TUSC3: variants seen among roughly 807,000 people sequenced by gnomAD.
The protein encoded by TUSC3 is tumor suppressor candidate 3, also known as dolichyl-diphosphooligosaccharide--protein glycosyltransferase subunit TUSC3.
TUSC3 carries 45 observed loss-of-function variants against 44.8 expected under a neutral mutation model. The ratio of observed to expected loss-of-function variants is 1.00; its 90% confidence interval spans 0.79 to 1.29. The LOEUF (loss-of-function observed/expected upper bound fraction) is 1.29. Among genes scored for constraint, TUSC3 ranks in the 50% most tolerant of loss-of-function variants. The probability of loss-of-function intolerance (pLI) is 0.00; values close to 1 mark genes in which losing one functional copy is unlikely to be tolerated. For missense variants in TUSC3, 519 were observed against 437.9 expected (o/e 1.19, Z -1.65); for synonymous variants, 212 against 152.9 (o/e 1.39, Z -2.85).
intron 1 of TUSC3, among the ~76,000 whole-genome samples, chr8:15,595,305 C>T (rs559796202): frequency 4.6e-5 from 7 of 152,142 alleles, no homozygotes; most frequent in African/African-American, 1.7e-4. Flanking sequence ...TTCCAGGCTT[C>T]TCTTTGTGTA....
At chr8:15,558,899 C>G (rs1342439065) in intron 1 of TUSC3, among the ~76,000 whole-genome samples, 1 of 151,334 alleles carries the variant, frequency 6.6e-6, no homozygotes, top group Non-Finnish European at 1.5e-5. Context: ...TTCTCTTTTT[C>G]TTTATTAGTC....
intron 6 of TUSC3, among the ~76,000 whole-genome samples, chr8:15,694,423 G>A (rs572611986): frequency 2.1e-4 from 25 of 121,726 alleles, no homozygotes; most frequent in East Asian, 4.8e-4. Context: ...GCAACAAGAC[G>A]GAAACTCCAT....
chr8:15,474,610 G>A (rs1800550010), intron 1 of TUSC3, among the ~76,000 whole-genome samples: 1 of 152,170 alleles, frequency 6.6e-6, no homozygotes, highest in Non-Finnish European at 1.5e-5. Context: ...TTACATTATT[G>A]AGAAAATTCA....
chr8:15,421,727 G>A (rs1015961693), intron 1 of TUSC3, among the ~76,000 whole-genome samples: 3 of 152,114 alleles, frequency 2.0e-5, no homozygotes, highest in South Asian at 2.1e-4. Flanking sequence ...GAATGAAATA[G>A]AGCTGAAAGA....
At chr8:15,839,799 C>A in the TUSC3 span, among the ~76,000 whole-genome samples, 1 of 152,132 alleles carries the variant, frequency 6.6e-6, no homozygotes, top group Non-Finnish European at 1.5e-5. Flanking sequence ...CTAGTTCAAC[C>A]ATTGTGGAAG....
At chr8:15,697,100 G>C (rs1212086128) in intron 6 of TUSC3, among the ~76,000 whole-genome samples, 1 of 152,072 alleles carries the variant, frequency 6.6e-6, no homozygotes, top group African/African-American at 2.4e-5. Context: ...ATGATCTTTT[G>C]TATTTCAGTG....
chr8:15,849,578 CA>C, the TUSC3 span, among the ~76,000 whole-genome samples: 1 of 152,122 alleles, frequency 6.6e-6, no homozygotes, highest in Admixed American at 6.6e-5. Flanking sequence ...ATCTCCCCTG[CA>C]ACAAAGTGTG....
intron 5 of TUSC3, among the ~76,000 whole-genome samples, chr8:15,664,566 G>GCTCC (rs1308618271): frequency 5.4e-5 from 8 of 149,414 alleles, no homozygotes; most frequent in Middle Eastern, 3.2e-3. Flanking sequence ...AGGTATGCCT[G>GCTCC]CTCCCCAATC....
the TUSC3 span, among the ~76,000 whole-genome samples, chr8:15,841,572 G>A: frequency 3.3e-5 from 5 of 151,862 alleles, no homozygotes; most frequent in Non-Finnish European, 7.4e-5. Context: ...AGCGTGCAGT[G>A]GCAGGATCTC....
chr8:15,843,948 C>G, the TUSC3 span, among the ~76,000 whole-genome samples: 4,568 of 152,136 alleles, frequency 0.03, 234 homozygotes, highest in African/African-American at 0.1. Context: ...GAAACTCAGT[C>G]TCTTTGGTTT....
chr8:15,705,799 A>G (rs1809592363), intron 6 of TUSC3, among the ~76,000 whole-genome samples: 1 of 152,046 alleles, frequency 6.6e-6, no homozygotes, highest in Non-Finnish European at 1.5e-5. Context: ...TGTAGGTATT[A>G]CAGAAATAGC....
In TUSC3 at chr8:15,660,637, T is replaced by A. The variant is rs945702278; in HGVS notation, c.567+990T>A. Among the ~76,000 whole-genome samples the A allele has an allele frequency of 2.6e-5, 4 of 151,942 alleles. No homozygotes were observed. In the East Asian group the frequency reaches 7.7e-4, roughly 29 times the overall value. ...ATTTGTTCTGAGTCAAGGTGGTAATTGCCCACATGGTACCACTGTCATTGT... is the reference window on the plus strand; with the variant it reads ...ATTTGTTCTGAGTCAAGGTGGTAATAGCCCACATGGTACCACTGTCATTGT... On this transcript the variant is annotated intron_variant, in intron 4 of 10. Coordinates refer to ENST00000503731, the MANE Select transcript of TUSC3 (RefSeq NM_006765.4).
chr8:15,726,050 G>C lies in TUSC3; in HGVS notation c.799-4616G>C, dbSNP rs188184106. 3.9e-5 allele frequency among the ~76,000 whole-genome samples: 6 copies of C among 152,140 alleles called. No individual in the cohort carries two copies. The East Asian group carries it at 1.2e-3, about 29-fold the overall frequency. On this transcript the variant is annotated intron_variant, in intron 6 of 10. Coordinates refer to ENST00000503731, the MANE Select transcript of TUSC3 (RefSeq NM_006765.4). ...TCCACCATAGCCATTCTTATTTTCG[G>C]AACATTACGTGTTTAAAAGGACTCC...
At chr8:15,646,013 A>G (rs1806610831) in intron 2 of TUSC3, among the ~76,000 whole-genome samples, 2 of 152,106 alleles carry the variant, frequency 1.3e-5, no homozygotes, top group African/African-American at 4.8e-5. Context: ...CCTTTATTAA[A>G]TGCCACTTCT....
intron 1 of TUSC3, among the ~76,000 whole-genome samples, chr8:15,602,169 A>G (rs1436180413): frequency 4.0e-5 from 6 of 151,602 alleles, no homozygotes; most frequent in African/African-American, 9.7e-5. Flanking sequence ...GTCTGAAAAA[A>G]GTCTGAAGTC....
chr8:15,739,310 AT>A (rs2129212316), intron 7 of TUSC3, among the ~76,000 whole-genome samples: 1 of 151,914 alleles, frequency 6.6e-6, no homozygotes, highest in African/African-American at 2.4e-5. Context: ...GTTTTGCCTT[AT>A]TTATTTGGGA....
intron 2 of TUSC3, among the ~76,000 whole-genome samples, chr8:15,508,078 T>C (rs1222624929): frequency 6.6e-6 from 1 of 151,954 alleles, no homozygotes; most frequent in African/African-American, 2.4e-5. Flanking sequence ...CCGTCTCTAC[T>C]AAAAATACAA....
intron 2 of TUSC3, among the ~76,000 whole-genome samples, chr8:15,490,395 C>A (rs1335424682): frequency 1.3e-5 from 2 of 152,164 alleles, no homozygotes; most frequent in South Asian, 2.1e-4. Flanking sequence ...AACACCCTAA[C>A]TTTCTCCTCT....
At chr8:15,491,637 C>T (rs28454531) in intron 2 of TUSC3, among the ~76,000 whole-genome samples, 1 of 152,080 alleles carries the variant, frequency 6.6e-6, no homozygotes, top group African/African-American at 2.4e-5. Context: ...ATTCTCTAAC[C>T]CTTCTGTGCA....
Sources: allele counts gnomAD v4.1 joint callset (sites outside exome capture counted in the v4.1 genomes callset), GRCh38; gene constraint gnomAD v4.1.1; transcripts MANE v1.5; gene names NCBI Gene and HGNC (gene_info 2026-07-23, HGNC 2026-07-21).